Variants in BMP7 observed in about 807,000 individuals in gnomAD.
BMP7 encodes bone morphogenetic protein 7.
Under a neutral mutation model 41.2 loss-of-function variants are expected in BMP7, and 12 were observed. The observed-to-expected ratio is 0.29, with a 90% confidence interval of 0.19 to 0.47. The LOEUF (loss-of-function observed/expected upper bound fraction) is 0.47, where lower values mean the gene tolerates loss of function less well. Ranked by LOEUF, BMP7 falls within the 20% of genes least tolerant of loss-of-function variation. The pLI is 0.99. For missense variants in BMP7, 467 were observed against 606.0 expected (o/e 0.77, Z 2.41); for synonymous variants, 248 against 250.0 (o/e 0.99, Z 0.07).
intron 3 of BMP7, among the ~76,000 whole-genome samples, chr20:57,189,215 T>G (rs1984293004): frequency 6.6e-6 from 1 of 152,228 alleles, no homozygotes; most frequent in African/African-American, 2.4e-5. Context: ...TGACTTTTTC[T>G]TGGGGTACAG....
At chr20:57,208,865 T>C (rs1472671548) in intron 2 of BMP7, among the ~76,000 whole-genome samples, 4 of 152,192 alleles carry the variant, frequency 2.6e-5, no homozygotes, top group Non-Finnish European at 5.9e-5. Flanking sequence ...TTCTATGAAA[T>C]GTCCCAAATA....
chr20:57,196,353 A>G (rs1206865098), intron 3 of BMP7, among the ~76,000 whole-genome samples: 1 of 152,096 alleles, frequency 6.6e-6, no homozygotes, highest in East Asian at 1.9e-4. Flanking sequence ...CTTCACCCCT[A>G]CCCTTCAGTA....
rs771580937 is a variant in BMP7, at chr20:57,265,895, G to A, written c.228C>T (p.His76=). Residue 76 remains histidine, a synonymous_variant, in exon 1 of 7, where the codon CAC becomes CAT. Coordinates refer to ENST00000395863, the MANE Select transcript of BMP7 (RefSeq NM_001719.3). The part of the protein sequence containing the change: ...HRPRPHLQGK[H]NSAPMFMLDL... ...CCAGCATGAACATGGGTGCCGAGTT[G>A]TGCTTGCCCTGGAGGTGCGGGCGCG... 1 of 1,597,264 alleles carries A rather than the reference G, an allele frequency of 6.3e-7. No homozygotes were observed. Among genetic ancestry groups the A allele is most frequent in the Non-Finnish European group, 8.5e-7 (1 of 1,171,968 alleles).
chr20:57,221,761 T>G (rs1280937696), intron 2 of BMP7, among the ~76,000 whole-genome samples: 1 of 146,156 alleles, frequency 6.8e-6, no homozygotes. Context: ...CAGTGAGCTG[T>G]GATCACTCCA....
intron 1 of BMP7, among the ~76,000 whole-genome samples, chr20:57,265,049 AAAG>A (rs1335401084): frequency 1.8e-4 from 26 of 144,896 alleles, no homozygotes; most frequent in Non-Finnish European, 3.0e-4. Flanking sequence ...AAAAAAAAGA[AAAG>A]AAAAGAAAAA....
At chr20:57,173,595 A>G (rs942718567) in intron 5 of BMP7, 2 of 540,094 alleles carry the variant, frequency 3.7e-6, no homozygotes, top group Non-Finnish European at 6.7e-6. Context: ...CTATGATCAC[A>G]CCACTGCACC....
chr20:57,233,639 G>C (rs1473758087), intron 1 of BMP7, among the ~76,000 whole-genome samples: 1 of 152,162 alleles, frequency 6.6e-6, no homozygotes, highest in East Asian at 1.9e-4. Flanking sequence ...GGAGTACCTT[G>C]CCTCTCCCTA....
At chr20:57,201,182 C>T (rs1156909507) in intron 3 of BMP7, among the ~76,000 whole-genome samples, 1 of 152,252 alleles carries the variant, frequency 6.6e-6, no homozygotes, top group Non-Finnish European at 1.5e-5. Context: ...CATTAAGGCA[C>T]TATTTTTAAA....
intron 3 of BMP7, among the ~76,000 whole-genome samples, chr20:57,200,545 C>T (rs1201312440): frequency 1.3e-5 from 2 of 152,172 alleles, no homozygotes; most frequent in Non-Finnish European, 2.9e-5. Flanking sequence ...CCTGAGCCAG[C>T]AGAACAGGCA....
chr20:57,174,868 G>T lies in BMP7; in HGVS notation c.1035+63C>A. ...GAGAAACAAGACTGAGCACAGACCC[G>T]CTGCCTCGTGGGAGCCCACGCCAGA... On this transcript the variant is annotated intron_variant, in intron 5 of 6. Transcript: ENST00000395863. The surrounding 1 kb of genome is among the most constrained non-coding windows in gnomAD (Gnocchi z 4.3). The T allele has an allele frequency of 2.0e-6, 3 of 1,519,980 alleles. No homozygotes were observed. The highest frequency in any genetic ancestry group is 2.7e-6 in the Non-Finnish European group (3 of 1,115,462). 94.2% of individuals were successfully genotyped at this position (1,519,980 alleles called of 1,614,324 possible).
intron 1 of BMP7, among the ~76,000 whole-genome samples, chr20:57,264,309 T>C (rs2066165331): frequency 1.3e-5 from 2 of 152,228 alleles, no homozygotes; most frequent in Non-Finnish European, 1.5e-5. Flanking sequence ...TATTTCCATG[T>C]TGACACAGCG....
At chr20:57,210,088 T>C (rs1365702597) in intron 2 of BMP7, among the ~76,000 whole-genome samples, 2 of 152,168 alleles carry the variant, frequency 1.3e-5, no homozygotes, top group African/African-American at 4.8e-5. Flanking sequence ...CTGTTTCTGA[T>C]TAAAGAAACA....
At position 57,168,834 on chromosome 20, in the gene BMP7, G is replaced by C. The variant is rs1983743359; in HGVS notation, c.*2125C>G. ...TTATACAGAATTTTCACTAAGGACT[G>C]CTCGACGCAACAGCTGTGAGTACAT... is the stretch of plus-strand genomic sequence containing the variant. On this transcript the variant is annotated 3_prime_UTR_variant, in exon 7 of 7. Coordinates refer to ENST00000395863, the MANE Select transcript of BMP7 (RefSeq NM_001719.3). 6.6e-6 allele frequency: 1 copy of C among 152,124 alleles called. No individual in the cohort carries two copies. Among genetic ancestry groups the C allele is most frequent in the African/African-American group, 2.4e-5 (1 of 41,388 alleles). The allele number at this position is 152,124 out of a possible 1,614,324, so 9.4% of individuals were successfully genotyped here.
intron 2 of BMP7, 56 bp from the exon 3 acceptor site, chr20:57,202,679 AC>A: frequency 9.6e-7 from 1 of 1,045,638 alleles, no homozygotes; most frequent in Non-Finnish European, 1.4e-6. Context: ...CAGCTCCACT[AC>A]CCCAACAGAT....
At chr20:57,227,460 T>C (rs897688790) in intron 2 of BMP7, among the ~76,000 whole-genome samples, 2 of 149,060 alleles carry the variant, frequency 1.3e-5, no homozygotes, top group Non-Finnish European at 3.0e-5. Flanking sequence ...TCCCTGTCTA[T>C]GGTAACAAGT....
chr20:57,245,065 A>T (rs192701590), intron 1 of BMP7, among the ~76,000 whole-genome samples: 5 of 152,270 alleles, frequency 3.3e-5, no homozygotes, highest in African/African-American at 1.2e-4. Flanking sequence ...CTTTAAAGCC[A>T]CACTCTGTCC....
chr20:57,199,530 G>A (rs188651607), intron 3 of BMP7, among the ~76,000 whole-genome samples: 18 of 152,262 alleles, frequency 1.2e-4, no homozygotes, highest in Admixed American at 8.5e-4. Flanking sequence ...ATTCCTGGGC[G>A]CATCCTCTGA....
At chr20:57,246,094 T>C (rs1458785733) in intron 1 of BMP7, among the ~76,000 whole-genome samples, 1 of 152,042 alleles carries the variant, frequency 6.6e-6, no homozygotes, top group African/African-American at 2.4e-5. Flanking sequence ...ATCTACACAC[T>C]GGTTACCCTG....
chr20:57,196,647 C>A (rs1005012081), intron 3 of BMP7, among the ~76,000 whole-genome samples: 3 of 152,146 alleles, frequency 2.0e-5, no homozygotes, highest in African/African-American at 7.2e-5. Context: ...GCAGGGCCCA[C>A]GAAAACACTA....
Sources: gnomAD v4.1 joint callset for allele counts (sites outside exome capture counted in the v4.1 genomes callset) on GRCh38, gnomAD v4.1.1 for gene constraint, Gnocchi (gnomAD v3.1) non-coding constraint, MANE v1.5 for transcripts, NCBI Gene and HGNC (gene_info 2026-07-23, HGNC 2026-07-21) for gene names.